The following CTNNA3 variants were observed in gnomAD, a reference collection of about 807,000 sequenced individuals.
CTNNA3 encodes the protein catenin alpha-3.
In CTNNA3, 76 loss-of-function variants were observed where a neutral mutation model predicts 95.7. The observed-to-expected ratio is 0.79, with a 90% CI of 0.66 to 0.96. CTNNA3 has a LOEUF of 0.96. Ranked by LOEUF, CTNNA3 falls within the 40% of genes least tolerant of loss-of-function variation. CTNNA3 has a pLI of 0.00. For missense variants in CTNNA3, 1,191 were observed against 1,089.8 expected, an observed-to-expected ratio of 1.09 and a Z score of -1.31; for synonymous variants, 431 against 374.4, an observed-to-expected ratio of 1.15 and a Z score of -1.74.
chr10:66,317,853 C>T (rs2092123203), intron 12 of CTNNA3, among the ~76,000 whole-genome samples: 1 of 151,930 alleles, frequency 6.6e-6, no homozygotes, highest in African/African-American at 2.4e-5. Context: ...TCTCTGAAAG[C>T]TCTCAATGAT....
chr10:67,298,393 T>G (rs1376203216), intron 5 of CTNNA3, among the ~76,000 whole-genome samples: 1 of 152,192 alleles, frequency 6.6e-6, no homozygotes, highest in Non-Finnish European at 1.5e-5. Flanking sequence ...GTTTTTCACT[T>G]TAGAATAACC....
intron 5 of CTNNA3, among the ~76,000 whole-genome samples, chr10:67,454,502 G>C (rs1163742213): frequency 6.6e-6 from 1 of 152,122 alleles, no homozygotes; most frequent in Non-Finnish European, 1.5e-5. Flanking sequence ...ATAGGATGCT[G>C]ATTTACAGTG....
intron 5 of CTNNA3, among the ~76,000 whole-genome samples, chr10:67,390,834 A>G (rs1215719275): frequency 4.9e-5 from 7 of 143,842 alleles, no homozygotes; most frequent in East Asian, 4.1e-4. Flanking sequence ...ATGCAGAAAA[A>G]GCCTTTGACA....
intron 7 of CTNNA3, among the ~76,000 whole-genome samples, chr10:66,991,317 ATTAGT>A (rs1411785630): frequency 6.6e-6 from 1 of 152,176 alleles, no homozygotes; most frequent in Non-Finnish European, 1.5e-5. Flanking sequence ...ATGTCCAGGA[ATTAGT>A]TTGCTTTTCT....
intron 15 of CTNNA3, among the ~76,000 whole-genome samples, chr10:66,005,755 AT>A (rs527608567): frequency 3.2e-4 from 48 of 150,758 alleles, no homozygotes; most frequent in South Asian, 2.7e-3. Flanking sequence ...AGATGAGAAC[AT>A]TTTTTTTTCA....
chr10:66,916,765 C>A lies in CTNNA3; in HGVS notation c.1048-141241G>T, dbSNP rs183403939. ...GCTGGGGGGAAATTGAATTGCAGGACACTCAGTTGATGTCCAGAGAGTTGG... is the reference window on the plus strand; with the variant it reads ...GCTGGGGGGAAATTGAATTGCAGGAAACTCAGTTGATGTCCAGAGAGTTGG... On this transcript the variant is annotated intron_variant, in intron 7 of 17. Coordinates refer to ENST00000433211, the MANE Select transcript of CTNNA3 (RefSeq NM_013266.4). Among the ~76,000 whole-genome samples the A allele has an allele frequency of 5.1e-3, 783 of 152,258 alleles. 8 individuals carry two copies. Among genetic ancestry groups the A allele is most frequent in the African/African-American group, 0.018 (749 of 41,554 alleles).
intron 3 of CTNNA3, among the ~76,000 whole-genome samples, chr10:67,602,964 A>C (rs1159090476): frequency 4.6e-5 from 7 of 152,250 alleles, no homozygotes; most frequent in African/African-American, 1.7e-4. Context: ...TTATTTAACA[A>C]ACGTTTAACA....
rs1484075233 is a variant in CTNNA3 at position 65,913,480 on chromosome 10, G to A, written c.*6850C>T. 4 of 152,048 alleles carry A rather than the reference G, an allele frequency of 2.6e-5. No homozygotes were observed. Among genetic ancestry groups the A allele is most frequent in the Non-Finnish European group, 5.9e-5 (4 of 68,008 alleles). The allele number at this position is 152,048 out of a possible 1,614,324, so 9.4% of individuals were successfully genotyped here. A position where few individuals can be genotyped will look rare whatever the true frequency, so the allele number is the denominator to read the frequency against. ...TAAGGAAATTTTCTTTGGAGGGACT[G>A]TACCACATGAGAAAAATTTGCAAAA... On this transcript the variant is annotated 3_prime_UTR_variant, in exon 18 of 18. Coordinates refer to ENST00000433211, the MANE Select transcript of CTNNA3 (RefSeq NM_013266.4).
At chr10:67,673,679 G>A (rs941032648) in intron 1 of CTNNA3, among the ~76,000 whole-genome samples, 1 of 149,078 alleles carries the variant, frequency 6.7e-6, no homozygotes, top group Admixed American at 6.7e-5. Context: ...ATTTGCGTAT[G>A]TTGAACCAGC....
chr10:66,223,513 AT>A (rs1185032760), intron 13 of CTNNA3, among the ~76,000 whole-genome samples: 1 of 152,176 alleles, frequency 6.6e-6, no homozygotes, highest in East Asian at 1.9e-4. Flanking sequence ...ATAACTTCTT[AT>A]TTGCACAAGA....
At chr10:67,079,041 T>G (rs1319048237) in intron 7 of CTNNA3, among the ~76,000 whole-genome samples, 1 of 152,130 alleles carries the variant, frequency 6.6e-6, no homozygotes, top group African/African-American at 2.4e-5. Context: ...CCACTTCAAC[T>G]AGAATGTACA....
intron 3 of CTNNA3, among the ~76,000 whole-genome samples, chr10:67,575,862 C>T (rs1402325928): frequency 6.6e-6 from 1 of 152,130 alleles, no homozygotes; most frequent in Non-Finnish European, 1.5e-5. Context: ...TTCTCTATTT[C>T]TGTCTCTGTG....
rs368443346 is a variant in CTNNA3, at chr10:66,149,104, T to C, written c.1885-45855A>G. The stretch of plus-strand genomic sequence containing the variant: ...TAGTTAACTATATAGTAAAATTATG[T>C]GCACATATATCTAAATATGAATAAA... On this transcript the variant is annotated intron_variant, in intron 13 of 17. Coordinates refer to ENST00000433211, the MANE Select transcript of CTNNA3 (RefSeq NM_013266.4). Among the ~76,000 whole-genome samples, 26 of 150,110 alleles carry C rather than the reference T, an allele frequency of 1.7e-4. No individual in the cohort carries two copies. In the East Asian group the frequency reaches 5.1e-3, roughly 29 times the overall value.
intron 7 of CTNNA3, among the ~76,000 whole-genome samples, chr10:66,858,226 C>A (rs1364500365): frequency 2.6e-5 from 4 of 152,042 alleles, no homozygotes; most frequent in South Asian, 2.1e-4. Context: ...ATATGTTGAA[C>A]CAACCTTGCA....
chr10:66,562,159 T>C (rs1038616449), intron 10 of CTNNA3, among the ~76,000 whole-genome samples: 1 of 152,148 alleles, frequency 6.6e-6, no homozygotes, highest in African/African-American at 2.4e-5. Context: ...TCTCACAGAA[T>C]GTTGGTGCTA....
At chr10:66,687,787 T>C (rs1847355719) in intron 9 of CTNNA3, among the ~76,000 whole-genome samples, 3 of 151,856 alleles carry the variant, frequency 2.0e-5, no homozygotes, top group South Asian at 2.1e-4. Context: ...TCAGAACATA[T>C]GGAAGATGGT....
chr10:67,035,185 A>T (rs1484600736), intron 7 of CTNNA3, among the ~76,000 whole-genome samples: 1 of 152,242 alleles, frequency 6.6e-6, no homozygotes, highest in African/African-American at 2.4e-5. Context: ...CCATATGAAT[A>T]TATAGATATG....
In CTNNA3 at chr10:66,328,911, CATATATATATATAT is replaced by C. The variant is rs1554935009; in HGVS notation, c.1733-48304_1733-48291del. Reference sequence around the variant, plus strand: ...ACACATACACACACACACATATATACATATATATATATATATATATATACACACACACATATAAA... The same window carrying C: ...ACACATACACACACACACATATATACATATATATACACACACACATATAAA... On this transcript the variant is annotated intron_variant, in intron 12 of 17. Coordinates refer to ENST00000433211, the MANE Select transcript of CTNNA3 (RefSeq NM_013266.4). Among the ~76,000 whole-genome samples the C allele has an allele frequency of 1.6e-4, 14 of 86,492 alleles. 1 individual carries two copies. Among genetic ancestry groups the C allele is most frequent in the Non-Finnish European group, 5.0e-5 (2 of 40,236 alleles). 56.7% of individuals were successfully genotyped at this position (86,492 alleles called of 152,430 possible). A position where few individuals can be genotyped will look rare whatever the true frequency, so the allele number is the denominator to read the frequency against.
intron 1 of CTNNA3, among the ~76,000 whole-genome samples, chr10:67,728,037 T>C (rs1233769724): frequency 1.4e-5 from 2 of 141,634 alleles, no homozygotes; most frequent in Non-Finnish European, 3.0e-5. Flanking sequence ...ATATGATATA[T>C]AATTATAATT....
Sources: allele counts gnomAD v4.1 joint callset (sites outside exome capture counted in the v4.1 genomes callset), GRCh38; gene constraint gnomAD v4.1.1; transcripts MANE v1.5; gene names NCBI Gene and HGNC (gene_info 2026-07-23, HGNC 2026-07-21).